The following ATXN7L1 variants were observed in gnomAD, a reference collection of about 807,000 sequenced individuals.
ATXN7L1 encodes the protein ataxin-7-like protein 1.
A neutral mutation model predicts 70.8 loss-of-function variants in ATXN7L1; 15 were observed. That is an observed-to-expected ratio of 0.21 (90% CI 0.14 to 0.33). ATXN7L1 has a LOEUF of 0.33. Among genes scored for constraint, ATXN7L1 ranks in the 10% least tolerant of loss-of-function variants. The pLI is 1.00. For synonymous variants in ATXN7L1, 440 were observed against 445.1 expected (o/e 0.99, Z 0.14); for missense variants, 975 against 1,097.1 (o/e 0.89, Z 1.57).
intron 3 of ATXN7L1, among the ~76,000 whole-genome samples, chr7:105,766,346 C>G (rs1227862110): frequency 6.6e-6 from 1 of 152,100 alleles, no homozygotes; most frequent in East Asian, 1.9e-4. Flanking sequence ...TTCCCACTGA[C>G]TTTCTGTAAT....
rs1005716919 is a variant in ATXN7L1 at position 105,639,655 on chromosome 7, C to T, written c.863-86G>A. ...AAGACTACATTTTTTAAAAAATGCA[C>T]ATTTGCACCAACAAGTGAGACATTG... On this transcript the variant is annotated intron_variant, in intron 5 of 11. Transcript: ENST00000419735. 6.5e-6 allele frequency: 6 copies of T among 917,176 alleles called. No homozygotes were observed. The Admixed American group carries it at 1.5e-4, about 23-fold the overall frequency. The allele number at this position is 917,176 out of a possible 1,614,324, so 56.8% of individuals were successfully genotyped here.
chr7:105,782,082 T>A (rs1299848588), intron 3 of ATXN7L1, among the ~76,000 whole-genome samples: 6 of 152,304 alleles, frequency 3.9e-5, no homozygotes, highest in Admixed American at 3.9e-4. Context: ...GATCTGCCCA[T>A]CTCGGCCTCC....
chr7:105,803,347 T>C (rs1454633531), intron 2 of ATXN7L1, among the ~76,000 whole-genome samples: 1 of 152,228 alleles, frequency 6.6e-6, no homozygotes, highest in African/African-American at 2.4e-5. Flanking sequence ...CCTGGGAGCG[T>C]GGCCTGCTGG....
intron 3 of ATXN7L1, among the ~76,000 whole-genome samples, chr7:105,680,016 C>A (rs1256072039): frequency 2.0e-5 from 3 of 151,254 alleles, no homozygotes; most frequent in Non-Finnish European, 4.4e-5. Flanking sequence ...TTTGCAAAAC[C>A]TGGTTATTAC....
chr7:105,846,840 T>C (rs1456537528), intron 2 of ATXN7L1, among the ~76,000 whole-genome samples: 1 of 152,172 alleles, frequency 6.6e-6, no homozygotes, highest in Admixed American at 6.5e-5. Flanking sequence ...TTATGCTAAG[T>C]GAAAGAAGCC....
intron 3 of ATXN7L1, among the ~76,000 whole-genome samples, chr7:105,785,398 A>G (rs1804143482): frequency 6.6e-6 from 1 of 152,284 alleles, no homozygotes. Context: ...CTGGGGAGGC[A>G]GAGGTTGCAG....
chr7:105,832,896 C>A (rs892443640), intron 2 of ATXN7L1, among the ~76,000 whole-genome samples: 2 of 152,202 alleles, frequency 1.3e-5, no homozygotes, highest in Non-Finnish European at 2.9e-5. Context: ...TCTACCTTCA[C>A]AGCTGCTAAC....
chr7:105,657,684 C>A (rs2116018537), intron 4 of ATXN7L1, among the ~76,000 whole-genome samples: 1 of 111,118 alleles, frequency 9.0e-6, no homozygotes, highest in East Asian at 2.7e-4. Flanking sequence ...GCCTGGGTGA[C>A]AGAGTGAGAC....
At chr7:105,727,653 G>C (rs578082454) in intron 3 of ATXN7L1, among the ~76,000 whole-genome samples, 59 of 127,602 alleles carry the variant, frequency 4.6e-4, no homozygotes, top group African/African-American at 1.8e-3. Context: ...TGGGCGACAA[G>C]AGTGAAACTT....
chr7:105,667,506 C>T lies in ATXN7L1; in HGVS notation c.356-2218G>A, dbSNP rs1354827621. Among the ~76,000 whole-genome samples the T allele has an allele frequency of 7.0e-5, 7 of 100,248 alleles. 1 individual carries two copies. The highest frequency in any genetic ancestry group is 5.4e-4 in the South Asian group (1 of 1,856). The allele number at this position is 100,248 out of a possible 152,430, so 65.8% of individuals were successfully genotyped here. On this transcript the variant is annotated intron_variant, in intron 3 of 11. Transcript: ENST00000419735. ...CGAGGTCAGGAGATCGAGACCATCCCGGCTAAAATGGTGAAACCCCGTCTC... is the reference window on the plus strand; with the variant it reads ...CGAGGTCAGGAGATCGAGACCATCCTGGCTAAAATGGTGAAACCCCGTCTC...
At chr7:105,664,339 T>C (rs1165675442) in intron 4 of ATXN7L1, among the ~76,000 whole-genome samples, 2 of 151,672 alleles carry the variant, frequency 1.3e-5, no homozygotes, top group Admixed American at 1.3e-4. Flanking sequence ...AATATTTCCC[T>C]GTTACCCTTT....
chr7:105,700,578 C>G (rs771365749), intron 3 of ATXN7L1, among the ~76,000 whole-genome samples: 47 of 150,198 alleles, frequency 3.1e-4, no homozygotes, highest in Non-Finnish European at 5.9e-4. Flanking sequence ...ATGACCATAT[C>G]TGAGCCCCTG....
chr7:105,621,806 A>G (rs1794975634), intron 8 of ATXN7L1, among the ~76,000 whole-genome samples: 1 of 152,186 alleles, frequency 6.6e-6, no homozygotes, highest in African/African-American at 2.4e-5. Flanking sequence ...CACTCATTCC[A>G]CAAACCCGTC....
At chr7:105,809,293 T>G (rs1808069739) in intron 2 of ATXN7L1, among the ~76,000 whole-genome samples, 1 of 152,254 alleles carries the variant, frequency 6.6e-6, no homozygotes, top group Admixed American at 6.5e-5. Context: ...TGAGATCTAC[T>G]GTCTTAACAC....
At chr7:105,616,184 C>A (rs2115752397) in intron 9 of ATXN7L1, among the ~76,000 whole-genome samples, 1 of 152,344 alleles carries the variant, frequency 6.6e-6, no homozygotes, top group African/African-American at 2.4e-5. Flanking sequence ...TGAAGGTGAG[C>A]AGGCCCAGAG....
chr7:105,701,415 CAT>C (rs1224040006), intron 3 of ATXN7L1, among the ~76,000 whole-genome samples: 1 of 152,108 alleles, frequency 6.6e-6, no homozygotes, highest in Non-Finnish European at 1.5e-5. Flanking sequence ...AACACATACA[CAT>C]AGAAAAAAGA....
chr7:105,792,273 T>C (rs1251249981), intron 2 of ATXN7L1, among the ~76,000 whole-genome samples: 2 of 152,208 alleles, frequency 1.3e-5, no homozygotes, highest in Non-Finnish European at 2.9e-5. Flanking sequence ...TCTGAGCATG[T>C]CTCCTGTGGA....
At chr7:105,631,344 G>T (rs893220261) in intron 7 of ATXN7L1, among the ~76,000 whole-genome samples, 1 of 152,154 alleles carries the variant, frequency 6.6e-6, no homozygotes, top group African/African-American at 2.4e-5. Flanking sequence ...CATAGGTGAG[G>T]TGAGGACTAA....
intron 3 of ATXN7L1, among the ~76,000 whole-genome samples, chr7:105,781,990 C>T (rs1803601302): frequency 6.6e-6 from 1 of 152,150 alleles, no homozygotes; most frequent in African/African-American, 2.4e-5. Context: ...AACACTACGC[C>T]TGGCTAATAT....
Sources: gnomAD v4.1 joint callset for allele counts (sites outside exome capture counted in the v4.1 genomes callset) on GRCh38, gnomAD v4.1.1 for gene constraint, MANE v1.5 for transcripts, NCBI Gene and HGNC (gene_info 2026-07-23, HGNC 2026-07-21) for gene names.